The following CARMIL1 variants were observed in gnomAD, a reference collection of about 807,000 sequenced individuals.
CARMIL1 encodes the protein F-actin-uncapping protein LRRC16A.
Under a neutral mutation model 177.1 loss-of-function variants are expected in CARMIL1, and 90 were observed. That is an observed-to-expected ratio of 0.51 (90% CI 0.43 to 0.61). The LOEUF (loss-of-function observed/expected upper bound fraction) is 0.61. Among genes scored for constraint, CARMIL1 ranks in the 20% least tolerant of loss-of-function variants. The pLI, the probability that CARMIL1 is intolerant of heterozygous loss-of-function variation, is 0.00. For synonymous variants in CARMIL1, 577 were observed against 606.2 expected (o/e 0.95, Z 0.71); for missense variants, 1,380 against 1,667.0 (o/e 0.83, Z 3.00).
At chr6:25,448,425 G>C (rs1798447156) in intron 5 of CARMIL1, among the ~76,000 whole-genome samples, 1 of 152,068 alleles carries the variant, frequency 6.6e-6, no homozygotes. Context: ...CTCATCTTTG[G>C]GGGTGTGCTG....
At position 25,326,229 on chromosome 6, in the gene CARMIL1, C is replaced by A. The variant is rs552562428; in HGVS notation, c.138+41320C>A. 6.6e-6 allele frequency among the ~76,000 whole-genome samples: 1 copy of A among 151,944 alleles called. No homozygotes were observed. Among genetic ancestry groups the A allele is most frequent in the Non-Finnish European group, 1.5e-5 (1 of 68,006 alleles). On this transcript the variant is annotated intron_variant, in intron 2 of 36. Transcript: ENST00000329474. The surrounding 1 kb of genome is among the most constrained non-coding windows in gnomAD (Gnocchi z 4.2). ...GAGGCCTGAAGGAAAATAGTGCCAG[C>A]CATTTGAAGAGTGAGGGAAAGGGGT...
intron 31 of CARMIL1, among the ~76,000 whole-genome samples, chr6:25,583,407 T>C (rs1813315726): frequency 6.6e-6 from 1 of 151,808 alleles, no homozygotes; most frequent in Non-Finnish European, 1.5e-5. Flanking sequence ...CACAGAGTTT[T>C]CTCAGCTTAC....
intron 29 of CARMIL1, among the ~76,000 whole-genome samples, chr6:25,567,523 T>A (rs1051883445): frequency 1.3e-5 from 2 of 152,192 alleles, no homozygotes; most frequent in Non-Finnish European, 2.9e-5. Context: ...TCAGCCCTTG[T>A]GGTTAATCAG....
chr6:25,429,900 C>T (rs1796595553), intron 4 of CARMIL1, among the ~76,000 whole-genome samples: 1 of 151,674 alleles, frequency 6.6e-6, no homozygotes. Flanking sequence ...GGCTGGAGTG[C>T]AGTGGCACAA....
At chr6:25,384,510 T>C (rs1414849574) in intron 2 of CARMIL1, among the ~76,000 whole-genome samples, 8 of 152,272 alleles carry the variant, frequency 5.3e-5, no homozygotes, top group Non-Finnish European at 8.8e-5. Flanking sequence ...GTGTGTCCGT[T>C]GGGTGATGGT....
chr6:25,578,335 A>G (rs570063583), intron 29 of CARMIL1, among the ~76,000 whole-genome samples: 1 of 152,254 alleles, frequency 6.6e-6, no homozygotes, highest in Non-Finnish European at 1.5e-5. Context: ...TTTTTCTGGG[A>G]TGTATTTCAT....
intron 21 of CARMIL1, 66 bp from the exon 22 acceptor site, chr6:25,517,281 T>C (rs1806095420): frequency 1.6e-6 from 2 of 1,219,142 alleles, no homozygotes; most frequent in East Asian, 4.7e-5. Context: ...ATAAGAGGTT[T>C]ATATTCAATG....
chr6:25,472,585 A>C, intron 11 of CARMIL1, 64 bp downstream of exon 11: 1 of 1,329,068 alleles, frequency 7.5e-7, no homozygotes, highest in Non-Finnish European at 1.1e-6. Flanking sequence ...ATTTTAATTT[A>C]GCCATGCCTG....
chr6:25,350,427 C>T (rs1015461810), intron 2 of CARMIL1, among the ~76,000 whole-genome samples: 29 of 152,156 alleles, frequency 1.9e-4, no homozygotes, highest in African/African-American at 6.8e-4. Context: ...ACCTGCAGCA[C>T]TGGGGCCACC....
At chr6:25,458,155 G>A (rs958141110) in intron 8 of CARMIL1, among the ~76,000 whole-genome samples, 3 of 152,084 alleles carry the variant, frequency 2.0e-5, no homozygotes, top group African/African-American at 7.2e-5. Context: ...GTAGAGTAGC[G>A]AAGAATTTGG....
At chr6:25,363,158 C>G (rs1789412835) in intron 2 of CARMIL1, among the ~76,000 whole-genome samples, 1 of 151,810 alleles carries the variant, frequency 6.6e-6, no homozygotes. Flanking sequence ...GGGAGCATTT[C>G]TCAGGATGCC....
At chr6:25,600,840 A>G in intron 33 of CARMIL1, 94 bp downstream of exon 33, 6 of 1,124,600 alleles carry the variant, frequency 5.3e-6, no homozygotes, top group East Asian at 2.7e-5. Flanking sequence ...ATGTATGTCT[A>G]TCACCTTAAA....
At chr6:25,281,124 GTGTGCGCGCGCGCA>G (rs939012534) in intron 1 of CARMIL1, among the ~76,000 whole-genome samples, 4 of 44,424 alleles carry the variant, frequency 9.0e-5, no homozygotes, top group East Asian at 8.3e-4. Flanking sequence ...ACGCACGCGC[GTGTGCGCGCGCGCA>G]CACACACACA....
intron 2 of CARMIL1, among the ~76,000 whole-genome samples, chr6:25,392,053 CATGT>C (rs1229715726): frequency 3.7e-5 from 4 of 107,578 alleles, no homozygotes; most frequent in African/African-American, 1.3e-4. Flanking sequence ...TGTGTATATG[CATGT>C]GTGTGTGTGT....
At chr6:25,336,010 C>T (rs1786184246) in intron 2 of CARMIL1, among the ~76,000 whole-genome samples, 2 of 150,458 alleles carry the variant, frequency 1.3e-5, no homozygotes, top group African/African-American at 4.8e-5. Context: ...GTCTCTCGGC[C>T]ATTTGACTAC....
chr6:25,577,613 A>T lies in CARMIL1; in HGVS notation c.2743-3311A>T, dbSNP rs556594630. On this transcript the variant is annotated intron_variant, in intron 29 of 36. Coordinates refer to ENST00000329474, the MANE Select transcript of CARMIL1 (RefSeq NM_017640.6). The surrounding 1 kb of genome is among the most constrained non-coding windows in gnomAD (Gnocchi z 4.5). ...AAGCAACTTGACTCTCATTTTTTTA[A>T]AAAAAAAGTATGTCTAGGAATTACA... Among the ~76,000 whole-genome samples the T allele has an allele frequency of 3.1e-4, 47 of 151,986 alleles. No individual in the cohort carries two copies. The highest frequency in any genetic ancestry group is 8.2e-4 in the African/African-American group (34 of 41,488).
chr6:25,611,886 C>T (rs933844696), intron 36 of CARMIL1, among the ~76,000 whole-genome samples: 1 of 152,116 alleles, frequency 6.6e-6, no homozygotes, highest in Non-Finnish European at 1.5e-5. Context: ...TCTTAGCTGC[C>T]GTGAAAAAGT....
In CARMIL1 at chr6:25,467,374, C is replaced by T. The variant is rs1269183217; in HGVS notation, c.690+1426C>T. On this transcript the variant is annotated intron_variant, in intron 9 of 36. Coordinates refer to ENST00000329474, the MANE Select transcript of CARMIL1 (RefSeq NM_017640.6). The stretch of plus-strand genomic sequence containing the variant: ...TGGAGGAATGAGAAGGAGATTAGTC[C>T]AGGGATTGTGGGAACAGAGAGAACA... Among the ~76,000 whole-genome samples, 7 of 152,228 alleles carry T rather than the reference C, an allele frequency of 4.6e-5. No homozygotes were observed. In the East Asian group the frequency reaches 1.3e-3, roughly 29 times the overall value.
chr6:25,474,460 A>T (rs1373049329), intron 11 of CARMIL1, among the ~76,000 whole-genome samples: 1 of 152,154 alleles, frequency 6.6e-6, no homozygotes, highest in Non-Finnish European at 1.5e-5. Flanking sequence ...ATAGATGTTC[A>T]GTTTTTCTTT....
Sources: allele counts gnomAD v4.1 joint callset (sites outside exome capture counted in the v4.1 genomes callset), GRCh38; gene constraint gnomAD v4.1.1; non-coding constraint Gnocchi (gnomAD v3.1); transcripts MANE v1.5; gene names NCBI Gene and HGNC (gene_info 2026-07-23, HGNC 2026-07-21).